Variants in XRCC4 observed in about 807,000 individuals in gnomAD.
XRCC4 encodes the protein DNA repair protein XRCC4.
XRCC4 carries 28 observed loss-of-function variants against 39.1 expected under a neutral mutation model. The observed-to-expected ratio is 0.72, with a 90% CI of 0.53 to 0.98. XRCC4 has a LOEUF of 0.98. Ranked by LOEUF, XRCC4 falls within the 50% of genes least tolerant of loss-of-function variation. The pLI is 0.00. For synonymous variants in XRCC4, 123 were observed against 126.4 expected (o/e 0.97, Z 0.18); for missense variants, 350 against 376.4 (o/e 0.93, Z 0.58).
At chr5:83,269,096 G>A (rs1410495474) in intron 7 of XRCC4, among the ~76,000 whole-genome samples, 2 of 152,066 alleles carry the variant, frequency 1.3e-5, no homozygotes, top group East Asian at 1.9e-4. Flanking sequence ...ATGGTCTTTC[G>A]GGTCTCAAGT....
At chr5:83,183,412 T>TTGTGTGTGTGTGTG (rs369446374) in intron 3 of XRCC4, among the ~76,000 whole-genome samples, 1 of 139,336 alleles carries the variant, frequency 7.2e-6, no homozygotes, top group African/African-American at 2.7e-5. Context: ...TTTCATTTAT[T>TTGTGTGTGTGTGTG]TGTGTGTGTG....
At chr5:83,310,070 GA>G (rs1179333057) in intron 7 of XRCC4, among the ~76,000 whole-genome samples, 6 of 152,156 alleles carry the variant, frequency 3.9e-5, no homozygotes, top group African/African-American at 1.2e-4. Context: ...TCCTGTTGGG[GA>G]TAAAAGATGT....
intron 6 of XRCC4, among the ~76,000 whole-genome samples, chr5:83,207,698 C>A (rs1351159030): frequency 6.6e-6 from 1 of 151,940 alleles, no homozygotes; most frequent in Admixed American, 6.6e-5. Context: ...CAAAATGGGC[C>A]ACCCTATAAT....
intron 3 of XRCC4, among the ~76,000 whole-genome samples, chr5:83,128,044 T>C (rs1747361782): frequency 6.6e-6 from 1 of 152,108 alleles, no homozygotes; most frequent in South Asian, 2.1e-4. Context: ...TACATATGTA[T>C]ACATGTGCCA....
At chr5:83,242,162 TTGTGTGTGTGTGTGTGTGTGTG>T (rs60919474) in intron 6 of XRCC4, among the ~76,000 whole-genome samples, 12 of 145,260 alleles carry the variant, frequency 8.3e-5, no homozygotes, top group Non-Finnish European at 1.7e-4. Context: ...CGTATACACA[TTGTGTGTGTGTGTGTGTGTGTG>T]TGTGTGTGTG....
chr5:83,305,982 C>CTGTT (rs1755469643), intron 7 of XRCC4, among the ~76,000 whole-genome samples: 1 of 152,158 alleles, frequency 6.6e-6, no homozygotes, highest in African/African-American at 2.4e-5. Context: ...TCTGCAGCTT[C>CTGTT]TGTTTATCAA....
the XRCC4 span, among the ~76,000 whole-genome samples, chr5:83,373,582 C>T: frequency 3.9e-5 from 6 of 152,160 alleles, no homozygotes; most frequent in African/African-American, 1.4e-4. Context: ...AGCATCATCA[C>T]TTTGAGTTCC....
intron 6 of XRCC4, among the ~76,000 whole-genome samples, chr5:83,216,828 A>G (rs1466039257): frequency 6.6e-6 from 1 of 152,194 alleles, no homozygotes; most frequent in Non-Finnish European, 1.5e-5. Context: ...ATGATGATTA[A>G]TTCAAATGAG....
At chr5:83,206,349 C>A (rs375325711) in intron 6 of XRCC4, among the ~76,000 whole-genome samples, 1 of 152,054 alleles carries the variant, frequency 6.6e-6, no homozygotes, top group African/African-American at 2.4e-5. Context: ...TTAGAGGCAG[C>A]AGGATTTGCT....
chr5:83,371,683 A>G, the XRCC4 span, among the ~76,000 whole-genome samples: 1 of 152,186 alleles, frequency 6.6e-6, no homozygotes, highest in African/African-American at 2.4e-5. Context: ...GAGTGTGTGT[A>G]GACAGCAAAT....
chr5:83,205,001 A>T, intron 6 of XRCC4, 80 bp downstream of exon 6: 1 of 998,594 alleles, frequency 1.0e-6, no homozygotes, highest in Non-Finnish European at 1.5e-6. Flanking sequence ...ACCATAATGG[A>T]AAAATGTTGT....
At chr5:83,137,418 G>T (rs1293067950) in intron 3 of XRCC4, among the ~76,000 whole-genome samples, 1 of 152,152 alleles carries the variant, frequency 6.6e-6, no homozygotes, top group Non-Finnish European at 1.5e-5. Flanking sequence ...TAGTGAGGCA[G>T]CTATAGAAAT....
At position 83,248,266 on chromosome 5, in the gene XRCC4, G is replaced by A. The variant is rs147550495; in HGVS notation, c.746-10264G>A. On this transcript the variant is annotated intron_variant, in intron 6 of 7. Coordinates refer to ENST00000396027, the MANE Select transcript of XRCC4 (RefSeq NM_003401.5). Reference sequence around the variant, plus strand: ...GACATTTTAAAAAATACTTTAGGGAGTTTTATTTTTGTCTTGAAGGCAATA... The same window carrying A: ...GACATTTTAAAAAATACTTTAGGGAATTTTATTTTTGTCTTGAAGGCAATA... 2.5e-3 allele frequency among the ~76,000 whole-genome samples: 373 copies of A among 152,236 alleles called. 1 individual carries two copies. The highest frequency in any genetic ancestry group is 8.7e-3 in the African/African-American group (360 of 41,542).
rs371287544 is a variant in XRCC4, at chr5:83,271,008, T to C, written c.893+12331T>C. 6.6e-5 allele frequency among the ~76,000 whole-genome samples: 10 copies of C among 151,920 alleles called. No individual in the cohort carries two copies. In the South Asian group the frequency reaches 1.2e-3, roughly 19 times the overall value. On this transcript the variant is annotated intron_variant, in intron 7 of 7. Coordinates refer to ENST00000396027, the MANE Select transcript of XRCC4 (RefSeq NM_003401.5). Reference sequence around the variant, plus strand: ...GCCATGTATAGGAAGACAGAAGGGGTTTTATTTAGCCCATTTAATCAACTA... The same window carrying C: ...GCCATGTATAGGAAGACAGAAGGGGCTTTATTTAGCCCATTTAATCAACTA...
At chr5:83,117,985 G>C (rs1415425139) in intron 3 of XRCC4, among the ~76,000 whole-genome samples, 1 of 150,146 alleles carries the variant, frequency 6.7e-6, no homozygotes. Flanking sequence ...AAGCTATGAG[G>C]TTTGAAGAAA....
downstream of XRCC4, among the ~76,000 whole-genome samples, chr5:83,358,582 G>A (rs1363163575): frequency 1.3e-5 from 2 of 152,070 alleles, no homozygotes; most frequent in Admixed American, 1.3e-4. Context: ...TTAGAGCCCT[G>A]CACCCATCTT....
At chr5:83,307,449 A>G (rs891402061) in intron 7 of XRCC4, among the ~76,000 whole-genome samples, 2 of 152,214 alleles carry the variant, frequency 1.3e-5, no homozygotes, top group Admixed American at 6.5e-5. Flanking sequence ...CACAAAATCT[A>G]TATTTCTTAA....
intron 3 of XRCC4, among the ~76,000 whole-genome samples, chr5:83,134,152 C>T (rs200412860): frequency 1.3e-5 from 2 of 152,066 alleles, no homozygotes; most frequent in East Asian, 3.9e-4. Context: ...CCGTCTCTTT[C>T]TCGCTTTCCC....
chr5:83,221,909 T>C (rs1309144792), intron 6 of XRCC4, among the ~76,000 whole-genome samples: 1 of 151,892 alleles, frequency 6.6e-6, no homozygotes, highest in Non-Finnish European at 1.5e-5. Context: ...TTGACTTTTT[T>C]ATAGTTATGA....
Sources: gnomAD v4.1 joint callset for allele counts (sites outside exome capture counted in the v4.1 genomes callset) on GRCh38, gnomAD v4.1.1 for gene constraint, MANE v1.5 for transcripts, NCBI Gene and HGNC (gene_info 2026-07-23, HGNC 2026-07-21) for gene names.